The following ROBO2 variants were observed in gnomAD, a reference collection of about 807,000 sequenced individuals.
ROBO2 encodes roundabout guidance receptor 2.
A neutral mutation model predicts 160.8 loss-of-function variants in ROBO2; 53 were observed. The observed-to-expected ratio is 0.33, with a 90% CI of 0.26 to 0.41. ROBO2 has a LOEUF of 0.41. ROBO2 is among the 10% of genes least tolerant of loss of function. The pLI is 1.00. For synonymous variants in ROBO2, 664 were observed against 611.7 expected (o/e 1.09, Z -1.26); for missense variants, 1,577 against 1,722.4 (o/e 0.92, Z 1.49).
At chr3:76,322,205 A>T (rs866939542) in intron 2 of ROBO2, among the ~76,000 whole-genome samples, 54 of 97,544 alleles carry the variant, frequency 5.5e-4, no homozygotes, top group South Asian at 4.5e-3. Context: ...TATATATATA[A>T]TATACACACA....
intron 2 of ROBO2, among the ~76,000 whole-genome samples, chr3:75,989,066 C>G (rs945341772): frequency 1.3e-5 from 2 of 152,084 alleles, no homozygotes; most frequent in Admixed American, 6.6e-5. Flanking sequence ...TTTTGCTACT[C>G]TTTATATTTC....
intron 2 of ROBO2, among the ~76,000 whole-genome samples, chr3:76,808,277 G>A (rs988241541): frequency 6.6e-6 from 1 of 152,014 alleles, no homozygotes. Context: ...AAGATATGAC[G>A]TGCACACTCG....
intron 2 of ROBO2, among the ~76,000 whole-genome samples, chr3:76,248,209 T>C (rs1399601342): frequency 1.3e-4 from 20 of 152,010 alleles, no homozygotes; most frequent in Non-Finnish European, 2.4e-4. Context: ...TATTGCGGCA[T>C]TATTCACAAT....
chr3:75,914,784 C>A (rs766055400), intron 1 of ROBO2, among the ~76,000 whole-genome samples: 1 of 152,156 alleles, frequency 6.6e-6, no homozygotes, highest in Non-Finnish European at 1.5e-5. Context: ...AGTAGTTGTA[C>A]AACAAATGGT....
At chr3:77,258,623 A>T in intron 2 of ROBO2, among the ~76,000 whole-genome samples, 1 of 7,290 alleles carries the variant, frequency 1.4e-4, no homozygotes, top group East Asian at 0.011. Context: ...ACTTTGTCTT[A>T]AAAAAAAAAA....
At chr3:77,557,057 T>A (rs1032634654) in intron 8 of ROBO2, among the ~76,000 whole-genome samples, 3 of 151,910 alleles carry the variant, frequency 2.0e-5, no homozygotes, top group Non-Finnish European at 4.4e-5. Context: ...CATTTTGATG[T>A]CCTTCTTAAA....
intron 2 of ROBO2, among the ~76,000 whole-genome samples, chr3:76,516,527 A>G (rs1254230589): frequency 6.6e-6 from 1 of 152,148 alleles, no homozygotes; most frequent in East Asian, 1.9e-4. Flanking sequence ...ATTTTCCTCA[A>G]TGTGTCATTG....
chr3:76,667,643 G>C (rs12497518), intron 2 of ROBO2, among the ~76,000 whole-genome samples: 12 of 151,874 alleles, frequency 7.9e-5, no homozygotes, highest in African/African-American at 2.4e-4. Flanking sequence ...GTAATCAGGC[G>C]TACTGTTTTT....
intron 2 of ROBO2, among the ~76,000 whole-genome samples, chr3:76,472,396 T>C (rs2107109727): frequency 6.6e-6 from 1 of 152,218 alleles, no homozygotes; most frequent in South Asian, 2.1e-4. Flanking sequence ...AATATTATTC[T>C]GAGAAACAGA....
intron 2 of ROBO2, among the ~76,000 whole-genome samples, chr3:76,259,772 T>G (rs1044990217): frequency 1.3e-4 from 20 of 152,214 alleles, no homozygotes; most frequent in African/African-American, 4.8e-4. Flanking sequence ...CCTGGGCCCA[T>G]GTTCACACCT....
intron 2 of ROBO2, among the ~76,000 whole-genome samples, chr3:75,951,495 C>T (rs1329318373): frequency 6.6e-6 from 1 of 151,958 alleles, no homozygotes; most frequent in Non-Finnish European, 1.5e-5. Context: ...GGCTTGTAGG[C>T]CCATAATATG....
At chr3:77,093,642 T>C (rs1466949213) in intron 1 of ROBO2, among the ~76,000 whole-genome samples, 1 of 152,222 alleles carries the variant, frequency 6.6e-6, no homozygotes, top group Non-Finnish European at 1.5e-5. Context: ...ACTGCTATTG[T>C]TATGTAATGT....
At chr3:77,627,443 C>A (rs759999484) in intron 23 of ROBO2, among the ~76,000 whole-genome samples, 1 of 151,710 alleles carries the variant, frequency 6.6e-6, no homozygotes, top group African/African-American at 2.4e-5. Context: ...CCACGCTAAG[C>A]TATTTTTTTT....
At chr3:77,151,291 A>G (rs1159989424) in intron 2 of ROBO2, among the ~76,000 whole-genome samples, 8 of 152,160 alleles carry the variant, frequency 5.3e-5, no homozygotes, top group Admixed American at 5.2e-4. Context: ...ATATTTGTAT[A>G]CAAATATTCA....
intron 20 of ROBO2, among the ~76,000 whole-genome samples, chr3:77,603,245 C>T (rs1488795568): frequency 6.6e-6 from 1 of 151,982 alleles, no homozygotes; most frequent in African/African-American, 2.4e-5. Context: ...ATCACTGTCC[C>T]CTTTTATATA....
intron 2 of ROBO2, among the ~76,000 whole-genome samples, chr3:76,195,451 G>T (rs1702216363): frequency 6.6e-6 from 1 of 152,182 alleles, no homozygotes; most frequent in African/African-American, 2.4e-5. Flanking sequence ...TAGGCAAAAA[G>T]AGGTGGGATA....
chr3:77,426,608 C>G (rs199587878), intron 2 of ROBO2, among the ~76,000 whole-genome samples: 82 of 140,644 alleles, frequency 5.8e-4, no homozygotes, highest in African/African-American at 1.5e-3. Flanking sequence ...ATGTGTGTGT[C>G]TGTGTGTGTG....
intron 2 of ROBO2, among the ~76,000 whole-genome samples, chr3:77,406,642 A>T (rs1042983023): frequency 5.3e-5 from 8 of 152,122 alleles, no homozygotes; most frequent in Admixed American, 4.6e-4. Flanking sequence ...TTCCCAAGAT[A>T]TTAAAATATA....
intron 2 of ROBO2, among the ~76,000 whole-genome samples, chr3:76,549,961 A>G (rs142109427): frequency 5.5e-4 from 84 of 152,336 alleles, no homozygotes; most frequent in East Asian, 1.7e-3. Flanking sequence ...TTACAGTTTT[A>G]GAATGTTCCC....
Sources: gnomAD v4.1 joint callset for allele counts (sites outside exome capture counted in the v4.1 genomes callset) on GRCh38, gnomAD v4.1.1 for gene constraint, MANE v1.5 for transcripts, NCBI Gene and HGNC (gene_info 2026-07-23, HGNC 2026-07-21) for gene names.